MYRIP: variants seen among roughly 807,000 people sequenced by gnomAD.
The protein encoded by MYRIP is rab effector MyRIP.
MYRIP carries 49 observed loss-of-function variants against 98.0 expected under a neutral mutation model. The ratio of observed to expected loss-of-function variants is 0.50; its 90% CI spans 0.40 to 0.63. The LOEUF (loss-of-function observed/expected upper bound fraction) is 0.63. MYRIP is among the 30% of genes least tolerant of loss of function. MYRIP has a pLI of 0.00. For synonymous variants in MYRIP, 404 were observed against 409.5 expected, an observed-to-expected ratio of 0.99 and a Z score of 0.16; for missense variants, 1,004 against 1,058.2, an observed-to-expected ratio of 0.95 and a Z score of 0.71.
At chr3:40,046,517 CAG>C (rs1413998210) in intron 3 of MYRIP, among the ~76,000 whole-genome samples, 1 of 148,688 alleles carries the variant, frequency 6.7e-6, no homozygotes, top group Non-Finnish European at 1.5e-5. Context: ...GGAAAGGACT[CAG>C]AGACTGTTAG....
At chr3:40,170,123 T>G (rs1275495719) in intron 8 of MYRIP, 30 bp downstream of exon 8, 1 of 1,611,286 alleles carries the variant, frequency 6.2e-7, no homozygotes, top group Admixed American at 1.7e-5. Context: ...TGGTCTACCC[T>G]CCACACGTGC....
chr3:39,931,663 T>G (rs987659353), intron 2 of MYRIP, among the ~76,000 whole-genome samples: 11 of 152,196 alleles, frequency 7.2e-5, no homozygotes, highest in African/African-American at 2.7e-4. Context: ...ATATATGCCT[T>G]CTATCAGGTT....
Position 40,014,748 on chromosome 3 carries a change from T to A in MYRIP, c.111-29302T>A, listed in dbSNP as rs546965636. Among the ~76,000 whole-genome samples, 60 of 152,374 alleles carry A rather than the reference T, an allele frequency of 3.9e-4. 1 individual carries two copies. The highest frequency in any genetic ancestry group is 1.4e-3 in the African/African-American group (57 of 41,590). Reference sequence around the variant, plus strand: ...AAAGGCTGGTGACCTGGGAAACTTGTCCCAGTTACATACATTTTGTTGGAT... The same window carrying A: ...AAAGGCTGGTGACCTGGGAAACTTGACCCAGTTACATACATTTTGTTGGAT... On this transcript the variant is annotated intron_variant, in intron 2 of 16. Coordinates refer to ENST00000302541, the MANE Select transcript of MYRIP (RefSeq NM_015460.4).
At chr3:40,068,691 G>A (rs144064899) in intron 3 of MYRIP, among the ~76,000 whole-genome samples, 418 of 152,282 alleles carry the variant, frequency 2.7e-3, no homozygotes, top group Non-Finnish European at 4.8e-3. Flanking sequence ...GCCCTCTTGG[G>A]CTACATTGAT....
chr3:39,973,352 C>G (rs1039372338), intron 2 of MYRIP, among the ~76,000 whole-genome samples: 2 of 152,112 alleles, frequency 1.3e-5, no homozygotes, highest in East Asian at 1.9e-4. Flanking sequence ...AAAGAGCTAA[C>G]TATCCTAAAT....
At chr3:40,201,767 T>A (rs1245252455) in intron 10 of MYRIP, among the ~76,000 whole-genome samples, 3 of 152,228 alleles carry the variant, frequency 2.0e-5, no homozygotes, top group Non-Finnish European at 4.4e-5. Context: ...TATATTTGTG[T>A]ATGTGTCTGG....
chr3:40,063,826 G>T (rs953558074), intron 3 of MYRIP, among the ~76,000 whole-genome samples: 1 of 152,146 alleles, frequency 6.6e-6, no homozygotes, highest in African/African-American at 2.4e-5. Context: ...GGAAGCTTTT[G>T]TGGAAAAAGG....
chr3:40,119,921 A>AT (rs1232557477), intron 3 of MYRIP, among the ~76,000 whole-genome samples: 2,482 of 151,890 alleles, frequency 0.016, 72 homozygotes, highest in African/African-American at 0.054. Context: ...TATAATAATA[A>AT]TAAAATAAAT....
intron 2 of MYRIP, among the ~76,000 whole-genome samples, chr3:40,036,658 C>A (rs1947392887): frequency 6.6e-6 from 1 of 152,040 alleles, no homozygotes; most frequent in South Asian, 2.1e-4. Context: ...TAGAACACCC[C>A]ATTTGCAACC....
chr3:40,227,544 A>G (rs1952523630), intron 11 of MYRIP, among the ~76,000 whole-genome samples: 3 of 152,354 alleles, frequency 2.0e-5, no homozygotes. Flanking sequence ...ATAATAGATT[A>G]TAGAGGCTTT....
At chr3:39,927,502 T>C (rs183158476) in intron 2 of MYRIP, among the ~76,000 whole-genome samples, 87 of 151,940 alleles carry the variant, frequency 5.7e-4, no homozygotes, top group African/African-American at 2.0e-3. Flanking sequence ...AGGGAAGAAA[T>C]TGAAACTCTG....
At chr3:39,928,112 A>G (rs1401826861) in intron 2 of MYRIP, among the ~76,000 whole-genome samples, 1 of 151,980 alleles carries the variant, frequency 6.6e-6, no homozygotes, top group Admixed American at 6.6e-5. Context: ...TGAAAGTATA[A>G]GTTACTATAA....
intron 2 of MYRIP, among the ~76,000 whole-genome samples, chr3:39,977,678 C>A (rs1336943091): frequency 6.6e-6 from 1 of 152,112 alleles, no homozygotes; most frequent in Admixed American, 6.6e-5. Flanking sequence ...AAACAAGGAG[C>A]AAATATAGAG....
At chr3:40,074,056 T>C (rs1948287275) in intron 3 of MYRIP, among the ~76,000 whole-genome samples, 1 of 151,422 alleles carries the variant, frequency 6.6e-6, no homozygotes, top group East Asian at 1.9e-4. Flanking sequence ...ACTGAAATAT[T>C]TCTGCTTGAA....
At chr3:40,204,691 C>T (rs1951747143) in intron 10 of MYRIP, among the ~76,000 whole-genome samples, 1 of 152,130 alleles carries the variant, frequency 6.6e-6, no homozygotes, top group Non-Finnish European at 1.5e-5. Flanking sequence ...CCTCCAAACC[C>T]TCCACTTTCT....
chr3:40,035,479 C>T (rs2125823491), intron 2 of MYRIP, among the ~76,000 whole-genome samples: 1 of 151,926 alleles, frequency 6.6e-6, no homozygotes, highest in Middle Eastern at 3.4e-3. Flanking sequence ...AATGACAAAC[C>T]ATGAAAGCAA....
intron 2 of MYRIP, among the ~76,000 whole-genome samples, chr3:40,016,568 C>T (rs1946866568): frequency 6.6e-6 from 1 of 152,158 alleles, no homozygotes; most frequent in Non-Finnish European, 1.5e-5. Flanking sequence ...CGACTGCAGA[C>T]CAGACCACAG....
chr3:40,027,201 G>A (rs1041435419), intron 2 of MYRIP, among the ~76,000 whole-genome samples: 2 of 148,294 alleles, frequency 1.3e-5, no homozygotes, highest in Admixed American at 1.3e-4. Context: ...AATCTGGTTT[G>A]CCCTCTCTCC....
chr3:40,202,147 T>A (rs1559449840), intron 10 of MYRIP, among the ~76,000 whole-genome samples: 2 of 152,238 alleles, frequency 1.3e-5, no homozygotes, highest in Admixed American at 1.3e-4. Flanking sequence ...TCAGGTTCAG[T>A]ATCTTTCATC....
Sources: gnomAD v4.1 joint callset for allele counts (sites outside exome capture counted in the v4.1 genomes callset) on GRCh38, gnomAD v4.1.1 for gene constraint, MANE v1.5 for transcripts, NCBI Gene and HGNC (gene_info 2026-07-23, HGNC 2026-07-21) for gene names.